The following RAB11FIP4 variants were observed in gnomAD, a reference collection of about 807,000 sequenced individuals.
RAB11FIP4 encodes the protein RAB11 family interacting protein 4, also known as rab11 family-interacting protein 4.
In RAB11FIP4, 23 loss-of-function variants were observed where a neutral mutation model predicts 74.3. That is an observed-to-expected ratio of 0.31 (90% CI 0.22 to 0.44). The LOEUF (loss-of-function observed/expected upper bound fraction) is 0.44, where lower values mean the gene tolerates loss of function less well. Among genes scored for constraint, RAB11FIP4 ranks in the 20% least tolerant of loss-of-function variants. The pLI is 1.00. For synonymous variants in RAB11FIP4, 360 were observed against 359.9 expected (o/e 1.00, Z 0.00); for missense variants, 630 against 863.9 (o/e 0.73, Z 3.39).
At chr17:31,485,400 G>C (rs924440159) in intron 3 of RAB11FIP4, among the ~76,000 whole-genome samples, 2 of 152,220 alleles carry the variant, frequency 1.3e-5, no homozygotes, top group Non-Finnish European at 2.9e-5. Context: ...GGTGGGGACA[G>C]GGAGGGGGCT....
chr17:31,443,769 G>T (rs540469155), intron 3 of RAB11FIP4, among the ~76,000 whole-genome samples: 22 of 152,310 alleles, frequency 1.4e-4, no homozygotes, highest in African/African-American at 4.8e-4. Flanking sequence ...AAAAAAATTA[G>T]CCTGGCATGA....
chr17:31,488,049 A>T, intron 3 of RAB11FIP4: 6 of 1,015,512 alleles, frequency 5.9e-6, no homozygotes, highest in Non-Finnish European at 7.1e-6. Context: ...CTTGATACAA[A>T]GAGCCCTTCG....
At chr17:31,498,696 A>G (rs1475451000) in intron 3 of RAB11FIP4, among the ~76,000 whole-genome samples, 1 of 152,174 alleles carries the variant, frequency 6.6e-6, no homozygotes, top group Non-Finnish European at 1.5e-5. Context: ...CCATCCAGGC[A>G]TGCTCTCCTT....
chr17:31,434,600 A>C (rs963119308), intron 3 of RAB11FIP4, among the ~76,000 whole-genome samples: 1 of 152,242 alleles, frequency 6.6e-6, no homozygotes, highest in Non-Finnish European at 1.5e-5. Context: ...ACTCCATGAG[A>C]CTGCCCCACC....
intron 1 of RAB11FIP4, among the ~76,000 whole-genome samples, chr17:31,427,978 T>C (rs1017188447): frequency 6.6e-6 from 1 of 152,208 alleles, no homozygotes; most frequent in Non-Finnish European, 1.5e-5. Context: ...ACTGAAATTT[T>C]GCAGGTCTTT....
chr17:31,475,131 G>C (rs1264658730), intron 3 of RAB11FIP4, among the ~76,000 whole-genome samples: 1 of 152,110 alleles, frequency 6.6e-6, no homozygotes, highest in Non-Finnish European at 1.5e-5. Flanking sequence ...CACATGGAAG[G>C]GTCCATCTGT....
At chr17:31,432,048 C>T (rs1336614967) in intron 2 of RAB11FIP4, 148 bp downstream of exon 2, 6 of 624,510 alleles carry the variant, frequency 9.6e-6, no homozygotes, top group South Asian at 4.1e-5. Flanking sequence ...CTCTGGCTTC[C>T]GGGGGGGCCA....
chr17:31,492,474 G>C (rs1173004858), intron 3 of RAB11FIP4, among the ~76,000 whole-genome samples: 1 of 152,082 alleles, frequency 6.6e-6, no homozygotes, highest in African/African-American at 2.4e-5. Context: ...AGGGTGTCTT[G>C]GCTACCTCTC....
chr17:31,462,002 C>T (rs1353131487), intron 3 of RAB11FIP4, among the ~76,000 whole-genome samples: 2 of 152,102 alleles, frequency 1.3e-5, no homozygotes, highest in African/African-American at 4.8e-5. Context: ...TGGCTCATGC[C>T]TGTAATCCCA....
intron 1 of RAB11FIP4, among the ~76,000 whole-genome samples, chr17:31,393,405 C>T (rs1224584299): frequency 6.6e-6 from 1 of 152,202 alleles, no homozygotes; most frequent in Non-Finnish European, 1.5e-5. Context: ...GACTGCAGGT[C>T]GGGTAAAGAA....
Position 31,525,185 on chromosome 17 carries a change from A to G in RAB11FIP4, c.1229A>G (p.Lys410Arg). The part of the protein sequence containing the change: ...EARRHREAYG[K>R]LEREKATEVE... ...CGGCGCCACCGCGAGGCCTACGGCA[A>G]GCTGGAGAGGGAGAAGGCTACCGAG... Residue 410 changes from lysine (K) to arginine (R), a missense_variant, in exon 10 of 15, where the codon AAG becomes AGG. By Grantham distance (26) the Lys-to-Arg change is conservative (BLOSUM62 2). Transcript: ENST00000621161. 3.9e-6 allele frequency: 6 copies of G among 1,549,068 alleles called. No individual in the cohort carries two copies. Among genetic ancestry groups the G allele is most frequent in the Non-Finnish European group, 5.2e-6 (6 of 1,146,914 alleles).
intron 1 of RAB11FIP4, among the ~76,000 whole-genome samples, chr17:31,405,610 C>T (rs1320199135): frequency 2.0e-5 from 3 of 152,118 alleles, no homozygotes; most frequent in African/African-American, 2.4e-5. Flanking sequence ...TGACCTCAGG[C>T]GATCCGCCCT....
intron 3 of RAB11FIP4, among the ~76,000 whole-genome samples, chr17:31,461,281 C>T (rs1332360898): frequency 2.0e-5 from 3 of 152,190 alleles, no homozygotes; most frequent in Non-Finnish European, 4.4e-5. Flanking sequence ...ACATCATCTA[C>T]GTCCACATCT....
intron 13 of RAB11FIP4, 24 bp downstream of exon 13, chr17:31,528,802 C>T (rs200742902): frequency 5.7e-5 from 91 of 1,592,696 alleles, no homozygotes; most frequent in Non-Finnish European, 7.3e-5. Flanking sequence ...TCTCTGTGTC[C>T]AGTGGGGCAG....
At chr17:31,410,509 T>G (rs921099590) in intron 1 of RAB11FIP4, among the ~76,000 whole-genome samples, 1 of 151,524 alleles carries the variant, frequency 6.6e-6, no homozygotes, top group Non-Finnish European at 1.5e-5. Context: ...AGGCTAGGAG[T>G]TGGAGACCAT....
At chr17:31,478,045 T>C (rs2071811812) in intron 3 of RAB11FIP4, among the ~76,000 whole-genome samples, 1 of 145,208 alleles carries the variant, frequency 6.9e-6, no homozygotes, top group African/African-American at 2.6e-5. Flanking sequence ...CAGGCTGGAG[T>C]GCAGTGGCTA....
At chr17:31,445,592 T>A (rs1307117676) in intron 3 of RAB11FIP4, among the ~76,000 whole-genome samples, 20 of 109,050 alleles carry the variant, frequency 1.8e-4, no homozygotes, top group African/African-American at 5.2e-4. Context: ...TTTTTTTTTT[T>A]TTTTTTTTTT....
chr17:31,453,355 C>CAAAAAAAAAA lies in RAB11FIP4; in HGVS notation c.336+19249_336+19258dup, dbSNP rs747844559. Among the ~76,000 whole-genome samples, 40 of 71,806 alleles carry CAAAAAAAAAA rather than the reference C, an allele frequency of 5.6e-4. 2 individuals are homozygous for CAAAAAAAAAA. The highest frequency in any genetic ancestry group is 2.1e-3 in the African/African-American group (35 of 16,962). 47.1% of individuals were successfully genotyped at this position (71,806 alleles called of 152,430 possible). On this transcript the variant is annotated intron_variant, in intron 3 of 14. Transcript: ENST00000621161. The stretch of plus-strand genomic sequence containing the variant: ...TGTACCATAGAGAGAGACCCTACCT[C>CAAAAAAAAAA]AAAAAAAAAAAAAAAAAAAAAAAAA...
At chr17:31,449,849 G>A (rs1031625773) in intron 3 of RAB11FIP4, among the ~76,000 whole-genome samples, 1 of 152,190 alleles carries the variant, frequency 6.6e-6, no homozygotes, top group Admixed American at 6.5e-5. Flanking sequence ...GGTATGGCAG[G>A]CATGAGCCAC....
Sources: gnomAD v4.1 joint callset for allele counts (sites outside exome capture counted in the v4.1 genomes callset) on GRCh38, gnomAD v4.1.1 for gene constraint, MANE v1.5 for transcripts, NCBI Gene and HGNC (gene_info 2026-07-23, HGNC 2026-07-21) for gene names.